Variants in SNTG1 observed in about 807,000 individuals in gnomAD.
SNTG1 encodes syntrophin gamma 1.
In SNTG1, 39 loss-of-function variants were observed where a neutral mutation model predicts 74.7. The observed-to-expected ratio is 0.52, with a 90% CI of 0.40 to 0.68. SNTG1 has a LOEUF of 0.68. Among genes scored for constraint, SNTG1 ranks in the 30% least tolerant of loss-of-function variants. SNTG1 has a pLI of 0.00. For missense variants in SNTG1, 685 were observed against 609.5 expected (o/e 1.12, Z -1.30); for synonymous variants, 254 against 217.1 (o/e 1.17, Z -1.49).
At chr8:50,148,835 T>C (rs1389828876) in intron 1 of SNTG1, among the ~76,000 whole-genome samples, 1 of 152,210 alleles carries the variant, frequency 6.6e-6, no homozygotes, top group East Asian at 1.9e-4. Context: ...TCTTTGCTAT[T>C]GTGAATAGTG....
rs760520126 is a variant in SNTG1 at position 50,402,236 on chromosome 8, G to A, written c.54G>A (p.Gln18=). The change falls in exon 4 of 19, where the codon CAG becomes CAA. Residue 18 remains glutamine (Q), a synonymous_variant. Coordinates refer to ENST00000642720, the MANE Select transcript of SNTG1 (RefSeq NM_018967.5). ...CAAAGACAGGAATTTGTTTGCTGCA[G>A]GATGGTAACCAGGAGCCTTTCAAAG... The part of the protein sequence containing the change: ...EETKTGICLL[Q]DGNQEPFKVR... 6.2e-7 allele frequency: 1 copy of A among 1,603,438 alleles called. No individual in the cohort carries two copies. Among genetic ancestry groups the A allele is most frequent in the East Asian group, 2.2e-5 (1 of 44,796 alleles).
intron 2 of SNTG1, among the ~76,000 whole-genome samples, chr8:50,372,014 A>G (rs1299327034): frequency 6.6e-6 from 1 of 152,166 alleles, no homozygotes; most frequent in Admixed American, 6.6e-5. Flanking sequence ...TAATCCACTT[A>G]CATTTACAGT....
chr8:50,529,686 G>A (rs1386794572), intron 9 of SNTG1, among the ~76,000 whole-genome samples: 1 of 151,940 alleles, frequency 6.6e-6, no homozygotes, highest in African/African-American at 2.4e-5. Flanking sequence ...TATACAAAAT[G>A]TGATAATTTT....
At chr8:50,113,387 C>T (rs1323939145) in intron 1 of SNTG1, among the ~76,000 whole-genome samples, 5 of 151,354 alleles carry the variant, frequency 3.3e-5, no homozygotes, top group Admixed American at 6.6e-5. Context: ...TCACTCATGT[C>T]TTTTATTGGT....
intron 2 of SNTG1, among the ~76,000 whole-genome samples, chr8:50,273,571 G>A (rs2169183): frequency 1.3e-5 from 2 of 152,156 alleles, no homozygotes; most frequent in Non-Finnish European, 2.9e-5. Context: ...AAGTTGTTCG[G>A]TGTCATGGGT....
chr8:49,952,582 C>T (rs913996776), intron 1 of SNTG1, among the ~76,000 whole-genome samples: 5 of 152,154 alleles, frequency 3.3e-5, no homozygotes, highest in South Asian at 2.1e-4. Flanking sequence ...TAAGGAGGTA[C>T]GTGGTAATCC....
chr8:50,438,569 A>G lies in SNTG1; in HGVS notation c.189A>G (p.Gln63=), dbSNP rs774390645. The G allele has an allele frequency of 6.2e-7, 1 of 1,613,398 alleles. No individual in the cohort carries two copies. Residue 63 remains glutamine (Q), a synonymous_variant, in exon 5 of 19, where the codon CAA becomes CAG. Coordinates refer to ENST00000642720, the MANE Select transcript of SNTG1 (RefSeq NM_018967.5). ...SGERTVTIRR[Q]TVGGFGLSIK... ...AAAGAACGGTGACCATCAGAAGACA[A>G]ACAGTAGGAGGATTTGGATTAAGCA...
chr8:50,777,425 TTATTA>T (rs2095644119), intron 18 of SNTG1, among the ~76,000 whole-genome samples: 1 of 150,500 alleles, frequency 6.6e-6, no homozygotes, highest in South Asian at 2.1e-4. Flanking sequence ...TTTATTTCTG[TTATTA>T]TATTTATCAG....
At chr8:50,648,744 A>T (rs547525699) in intron 13 of SNTG1, among the ~76,000 whole-genome samples, 26 of 152,044 alleles carry the variant, frequency 1.7e-4, no homozygotes, top group Middle Eastern at 3.4e-3. Context: ...TTAATTATTT[A>T]AAAAAAATCA....
rs2093911894 is a variant in SNTG1 at position 50,497,150 on chromosome 8, T to A, written c.364-5628T>A. Among the ~76,000 whole-genome samples, 3 of 152,116 alleles carry A rather than the reference T, an allele frequency of 2.0e-5. No homozygotes were observed. The South Asian group carries it at 6.2e-4, about 32-fold the overall frequency. On this transcript the variant is annotated intron_variant, in intron 8 of 18. Coordinates refer to ENST00000642720, the MANE Select transcript of SNTG1 (RefSeq NM_018967.5). ...CTTTAGGGTGAGATTTTATTATTGT[T>A]TAACGTTCTTATATTTTTCACTTAT...
At chr8:50,603,036 G>C (rs1315387340) in intron 13 of SNTG1, among the ~76,000 whole-genome samples, 1 of 150,228 alleles carries the variant, frequency 6.7e-6, no homozygotes, top group East Asian at 2.0e-4. Flanking sequence ...TAACCTTCTT[G>C]TACTTGAATG....
intron 1 of SNTG1, among the ~76,000 whole-genome samples, chr8:50,112,795 C>T (rs1245390660): frequency 6.6e-6 from 1 of 152,100 alleles, no homozygotes; most frequent in East Asian, 1.9e-4. Context: ...AGGCATGAGC[C>T]ACTGCATCTG....
chr8:50,540,511 T>C (rs1218389227), intron 11 of SNTG1, among the ~76,000 whole-genome samples: 1 of 152,202 alleles, frequency 6.6e-6, no homozygotes, highest in African/African-American at 2.4e-5. Flanking sequence ...TTAGGTCATA[T>C]GTGTTCGTTA....
intron 8 of SNTG1, among the ~76,000 whole-genome samples, chr8:50,478,770 GGGT>G (rs1362089413): frequency 1.3e-5 from 2 of 152,048 alleles, no homozygotes; most frequent in African/African-American, 4.8e-5. Flanking sequence ...GAAAGCAAAT[GGGT>G]ACATATGGTC....
chr8:50,349,935 G>C (rs983597119), intron 2 of SNTG1, among the ~76,000 whole-genome samples: 1 of 152,162 alleles, frequency 6.6e-6, no homozygotes, highest in African/African-American at 2.4e-5. Flanking sequence ...GCGCGAGCCG[G>C]AACCAGGGCT....
intron 2 of SNTG1, among the ~76,000 whole-genome samples, chr8:50,191,574 AT>A (rs1247442348): frequency 9.2e-5 from 14 of 152,154 alleles, no homozygotes; most frequent in Admixed American, 8.5e-4. Flanking sequence ...TTTTAAAAAA[AT>A]AAACTTTAAA....
At chr8:50,178,408 C>G (rs986667769) in intron 2 of SNTG1, among the ~76,000 whole-genome samples, 2 of 150,878 alleles carry the variant, frequency 1.3e-5, no homozygotes, top group African/African-American at 4.9e-5. Context: ...CACGTGCGCG[C>G]GCACACACAC....
chr8:50,608,125 CT>C (rs1165836407), intron 13 of SNTG1, among the ~76,000 whole-genome samples: 1 of 151,510 alleles, frequency 6.6e-6, no homozygotes, highest in Non-Finnish European at 1.5e-5. Context: ...GTTACTTTTC[CT>C]GGATCATGTT....
At chr8:50,202,343 C>T (rs372253188) in intron 2 of SNTG1, among the ~76,000 whole-genome samples, 44 of 152,090 alleles carry the variant, frequency 2.9e-4, no homozygotes, top group African/African-American at 9.2e-4. Context: ...CCTTCCTCTA[C>T]TCTCCTGTCC....
Sources: gnomAD v4.1 joint callset for allele counts (sites outside exome capture counted in the v4.1 genomes callset) on GRCh38, gnomAD v4.1.1 for gene constraint, MANE v1.5 for transcripts, NCBI Gene and HGNC (gene_info 2026-07-23, HGNC 2026-07-21) for gene names.